The following SESN1 variants were observed in gnomAD, a reference collection of about 807,000 sequenced individuals.
The protein encoded by SESN1 is sestrin 1.
SESN1 carries 30 observed loss-of-function variants against 59.3 expected under a neutral mutation model. That is an observed-to-expected ratio of 0.51 (90% CI 0.38 to 0.69). The LOEUF (loss-of-function observed/expected upper bound fraction) is 0.69, where lower values mean the gene tolerates loss of function less well. Among genes scored for constraint, SESN1 ranks in the 30% least tolerant of loss-of-function variants. The pLI is 0.00. For synonymous variants in SESN1, 197 were observed against 219.9 expected, an observed-to-expected ratio of 0.90 and a Z score of 0.92; for missense variants, 566 against 673.0, an observed-to-expected ratio of 0.84 and a Z score of 1.76.
intron 1 of SESN1, among the ~76,000 whole-genome samples, chr6:109,063,016 T>C (rs1780754621): frequency 6.6e-6 from 1 of 152,096 alleles, no homozygotes; most frequent in Non-Finnish European, 1.5e-5. Flanking sequence ...GAAACACACT[T>C]CATAGTTGGT....
At chr6:109,082,710 TG>T in intron 1 of SESN1, among the ~76,000 whole-genome samples, 1 of 152,196 alleles carries the variant, frequency 6.6e-6, no homozygotes, top group East Asian at 1.9e-4. Context: ...ACACTTACAC[TG>T]GGGCAGTGGT....
intron 1 of SESN1, among the ~76,000 whole-genome samples, chr6:109,036,012 C>T (rs955612517): frequency 5.3e-5 from 8 of 152,132 alleles, no homozygotes; most frequent in Admixed American, 2.0e-4. Flanking sequence ...TTATTAAAAT[C>T]AAAGACTTTC....
intron 6 of SESN1, among the ~76,000 whole-genome samples, chr6:108,993,282 T>C (rs896310371): frequency 6.6e-6 from 1 of 152,236 alleles, no homozygotes; most frequent in Non-Finnish European, 1.5e-5. Context: ...AGATTATTTT[T>C]GTTGAATATT....
chr6:109,012,856 T>C (rs1208971698), intron 1 of SESN1, among the ~76,000 whole-genome samples: 2 of 152,156 alleles, frequency 1.3e-5, no homozygotes, highest in Non-Finnish European at 2.9e-5. Flanking sequence ...GGCTTACGCC[T>C]GTAATTCCAG....
chr6:109,041,980 A>C (rs1562466532), intron 1 of SESN1, among the ~76,000 whole-genome samples: 2 of 152,168 alleles, frequency 1.3e-5, no homozygotes, highest in Admixed American at 1.3e-4. Flanking sequence ...TAAAAGAATG[A>C]AAATCATGCA....
At chr6:109,000,918 A>G (rs948239603) in intron 3 of SESN1, among the ~76,000 whole-genome samples, 2 of 152,292 alleles carry the variant, frequency 1.3e-5, no homozygotes, top group South Asian at 2.1e-4. Context: ...TTTTATCTAT[A>G]TACTTTCAGA....
At position 108,990,728 on chromosome 6, in the gene SESN1, A is replaced by G; in HGVS notation, c.1341T>C (p.Asn447=). 6.2e-7 allele frequency: 1 copy of G among 1,614,106 alleles called. No individual in the cohort carries two copies. The highest frequency in any genetic ancestry group is 8.5e-7 in the Non-Finnish European group (1 of 1,179,976). Residue 447 remains asparagine (N), a synonymous_variant, in exon 8 of 10, where the codon AAT becomes AAC. Transcript: ENST00000436639. ...CAACATCTTTGTGCATTGCCATTGT[A>G]TTATAAGTAAGATTGTAAGCAATGT... is the stretch of plus-strand genomic sequence containing the variant. ...KFHIAYNLTY[N]TMAMHKDVDT...
rs188438479 is a variant in SESN1, at chr6:109,068,807, G to A, written c.279+24988C>T. 3.9e-3 allele frequency among the ~76,000 whole-genome samples: 584 copies of A among 150,036 alleles called. 6 individuals are homozygous for A. The highest frequency in any genetic ancestry group is 0.014 in the African/African-American group (552 of 40,586). ...ACGATCCTGGCTCACTGCAACCTCCGTCTCCTGGGTTCAAGCAATTCTCCT... is the reference window on the plus strand; with the variant it reads ...ACGATCCTGGCTCACTGCAACCTCCATCTCCTGGGTTCAAGCAATTCTCCT... On this transcript the variant is annotated intron_variant, in intron 1 of 9. Transcript: ENST00000436639.
chr6:109,005,275 AAAGCTCTTC>A (rs1290850730), intron 1 of SESN1, among the ~76,000 whole-genome samples: 6 of 152,362 alleles, frequency 3.9e-5, no homozygotes, highest in African/African-American at 1.4e-4. Context: ...GTTGACTTTA[AAAGCTCTTC>A]AAGTTATATT....
chr6:109,070,708 A>C (rs1241604426), intron 1 of SESN1, among the ~76,000 whole-genome samples: 2 of 152,192 alleles, frequency 1.3e-5, no homozygotes, highest in Non-Finnish European at 2.9e-5. Context: ...AACCTAAAGG[A>C]TTTTAGTGGT....
chr6:109,032,115 CA>C (rs920420153), intron 1 of SESN1, among the ~76,000 whole-genome samples: 3 of 151,988 alleles, frequency 2.0e-5, no homozygotes, highest in Admixed American at 2.0e-4. Flanking sequence ...ACTAAAAATA[CA>C]AAAAAATTAG....
chr6:109,022,049 A>AT lies in SESN1; in HGVS notation c.280-19707dup, dbSNP rs544552358. Among the ~76,000 whole-genome samples, 635 of 147,408 alleles carry AT rather than the reference A, an allele frequency of 4.3e-3. 5 individuals are homozygous for AT. The highest frequency in any genetic ancestry group is 7.8e-3 in the African/African-American group (315 of 40,222). ...ATTAAGCACCTACTATGTGCCAGGC[A>AT]TTTTTTTTTTTCCTTCCCAGTATAT... On this transcript the variant is annotated intron_variant, in intron 1 of 9. Transcript: ENST00000436639.
intron 1 of SESN1, chr6:109,009,640 A>G (rs1220155745): frequency 1.2e-6 from 1 of 857,762 alleles, no homozygotes. Flanking sequence ...CACGCAAGCC[A>G]ATGCGGGCTC....
chr6:109,000,690 T>C lies in SESN1; in HGVS notation c.547-17A>G, dbSNP rs1369120051. ...TGCCGCAGCCTTAAAACAAAAAGATTATTCTAATTATAAATATTAAAACCT... is the reference window on the plus strand; with the variant it reads ...TGCCGCAGCCTTAAAACAAAAAGATCATTCTAATTATAAATATTAAAACCT... On this transcript the variant is annotated splice_polypyrimidine_tract_variant and intron_variant, in intron 3 of 9. Transcript: ENST00000436639. 2 of 1,505,814 alleles carry C rather than the reference T, an allele frequency of 1.3e-6. No homozygotes were observed. The highest frequency in any genetic ancestry group is 1.4e-5 in the African/African-American group (1 of 70,834). 93.3% of individuals were successfully genotyped at this position (1,505,814 alleles called of 1,614,324 possible). A position where few individuals can be genotyped will look rare whatever the true frequency, so the allele number is the denominator to read the frequency against.
At chr6:109,065,545 T>C (rs1780809986) in intron 1 of SESN1, among the ~76,000 whole-genome samples, 1 of 152,128 alleles carries the variant, frequency 6.6e-6, no homozygotes, top group Non-Finnish European at 1.5e-5. Context: ...AGAGTCCTTT[T>C]TCTTTCTTAA....
intron 1 of SESN1, among the ~76,000 whole-genome samples, chr6:109,070,859 C>T (rs767504421): frequency 9.2e-5 from 14 of 152,144 alleles, no homozygotes; most frequent in Non-Finnish European, 1.9e-4. Context: ...TTCTGCATTT[C>T]CAATATCTTC....
intron 1 of SESN1, among the ~76,000 whole-genome samples, chr6:109,076,947 A>G (rs1781041103): frequency 6.6e-6 from 1 of 152,198 alleles, no homozygotes; most frequent in Non-Finnish European, 1.5e-5. Flanking sequence ...ACACAAACCT[A>G]GAGGGTAAAC....
At chr6:109,060,126 C>A (rs1780708086) in intron 1 of SESN1, among the ~76,000 whole-genome samples, 1 of 151,912 alleles carries the variant, frequency 6.6e-6, no homozygotes, top group African/African-American at 2.4e-5. Context: ...CACACGTACA[C>A]ACACACACAC....
At chr6:109,054,963 T>G (rs1014373418) in intron 1 of SESN1, among the ~76,000 whole-genome samples, 4 of 152,218 alleles carry the variant, frequency 2.6e-5, no homozygotes, top group East Asian at 1.9e-4. Context: ...TTTGTTAGTA[T>G]GAGGTAGGTC....
Sources: allele counts gnomAD v4.1 joint callset (sites outside exome capture counted in the v4.1 genomes callset), GRCh38; gene constraint gnomAD v4.1.1; transcripts MANE v1.5; gene names NCBI Gene and HGNC (gene_info 2026-07-23, HGNC 2026-07-21).